Variants in RGS12 observed in about 807,000 individuals in gnomAD.
RGS12 encodes regulator of G-protein signaling 12.
RGS12 carries 66 observed loss-of-function variants against 120.1 expected under a neutral mutation model. The ratio of observed to expected loss-of-function variants is 0.55; its 90% CI spans 0.45 to 0.67. The LOEUF (loss-of-function observed/expected upper bound fraction) is 0.67. Ranked by LOEUF, RGS12 falls within the 30% of genes least tolerant of loss-of-function variation. The pLI, the probability that RGS12 is intolerant of heterozygous loss-of-function variation, is 0.00. For missense variants in RGS12, 1,859 were observed against 1,957.7 expected, an observed-to-expected ratio of 0.95 and a Z score of 0.95; for synonymous variants, 827 against 804.7, an observed-to-expected ratio of 1.03 and a Z score of -0.47.
In RGS12 at chr4:3,316,694, C is replaced by G. The variant is rs1421302755; in HGVS notation, c.524C>G (p.Ala175Gly). ...AAACAAAGATCCCTTTCAGAGTCGG[C>G]CGCAACTCGATTTGATGTTGGACAT... ...KLKQRSLSES[A>G]ATRFDVGHES... The change falls in exon 2 of 18, where the codon GCC becomes GGC. Residue 175 changes from alanine to glycine, a missense_variant. Physicochemically the swap from Ala to Gly is moderately conservative, Grantham distance 60 (BLOSUM62 0). Around this residue, in one of 3 missense-constraint regions of RGS12, gnomAD observed 967 missense variants for 994.2 expected, o/e 0.97. Coordinates refer to ENST00000336727, the MANE Select transcript of RGS12 (RefSeq NM_001394154.1). The G allele has an allele frequency of 3.1e-6, 5 of 1,614,116 alleles. No homozygotes were observed. Among genetic ancestry groups the G allele is most frequent in the Non-Finnish European group, 4.2e-6 (5 of 1,180,030 alleles).
At chr4:3,339,590 T>C (rs1429357387) in intron 2 of RGS12, among the ~76,000 whole-genome samples, 2 of 152,250 alleles carry the variant, frequency 1.3e-5, no homozygotes, top group African/African-American at 4.8e-5. Context: ...AGTAGGCAGA[T>C]ACTTGCCATG....
chr4:3,413,287 A>C (rs573696396), intron 4 of RGS12: 1 of 152,358 alleles, frequency 6.6e-6, no homozygotes, highest in African/African-American at 2.4e-5. Context: ...AGAGCTCAGG[A>C]GATACTGGGA....
chr4:3,329,441 T>A (rs115818282), intron 2 of RGS12, among the ~76,000 whole-genome samples: 2,772 of 152,108 alleles, frequency 0.018, 69 homozygotes, highest in African/African-American at 0.06. Flanking sequence ...GGACAGTAAA[T>A]GTGCTCATGG....
At position 3,317,575 on chromosome 4, in the gene RGS12, G is replaced by A. The variant is rs764405169; in HGVS notation, c.1405G>A (p.Gly469Ser). ...GGGTGGGAGGGGTGCCCAGCCCTGG[G>A]GTGCTCCCTGGACTGGGCCCTTCTG... Reference protein sequence around the residue: ...GVGGRGAQPWGAPWTGPFCPD... With the variant: ...GVGGRGAQPWSAPWTGPFCPD... Residue 469 changes from glycine to serine, a missense_variant, in exon 2 of 18, where the codon GGT becomes AGT. Physicochemically the swap from Gly to Ser is moderately conservative, Grantham distance 56. This residue lies in a region of RGS12 where 967 missense variants were observed against 994.2 expected (regional missense o/e 0.97). Coordinates refer to ENST00000336727, the MANE Select transcript of RGS12 (RefSeq NM_001394154.1). The A allele has an allele frequency of 2.5e-6, 4 of 1,603,164 alleles. No homozygotes were observed. The highest frequency in any genetic ancestry group is 3.4e-5 in the Admixed American group (2 of 59,646).
chr4:3,428,592 T>C lies in RGS12; in HGVS notation c.3446T>C (p.Ile1149Thr). 3 of 1,602,994 alleles carry C rather than the reference T, an allele frequency of 1.9e-6. No homozygotes were observed. The highest frequency in any genetic ancestry group is 2.5e-6 in the Non-Finnish European group (3 of 1,177,162). ...AGAACACTAGGCAAGTCTAATTCTA[T>C]TAAAATAAAAGGAGAAAATGGAAAA... The part of the protein sequence containing the change: ...EERTLGKSNS[I>T]KIKGENGKNA... Residue 1149 changes from isoleucine (I) to threonine (T), a missense_variant, in exon 16 of 18, where the codon ATT becomes ACT. This residue lies in a region of RGS12 where 517 missense variants were observed against 488.5 expected (regional missense o/e 1.06). Transcript: ENST00000336727.
At chr4:3,305,449 C>T (rs558905709) in intron 1 of RGS12, among the ~76,000 whole-genome samples, 2 of 152,254 alleles carry the variant, frequency 1.3e-5, no homozygotes, top group African/African-American at 2.4e-5. Flanking sequence ...CTCAGAGTCC[C>T]GCGTCATCCT....
At chr4:3,411,903 G>A (rs529562421) in intron 4 of RGS12, among the ~76,000 whole-genome samples, 61 of 152,360 alleles carry the variant, frequency 4.0e-4, no homozygotes, top group African/African-American at 1.4e-3. Context: ...CTTGCAGTGC[G>A]TGCCGCCCCT....
chr4:3,379,292 G>A (rs1204842752), intron 3 of RGS12, among the ~76,000 whole-genome samples: 3 of 152,116 alleles, frequency 2.0e-5, no homozygotes, highest in African/African-American at 7.2e-5. Flanking sequence ...GTACAGCTTG[G>A]TGGTTGTAGT....
At chr4:3,308,344 C>T (rs1724086282) in intron 1 of RGS12, among the ~76,000 whole-genome samples, 1 of 152,252 alleles carries the variant, frequency 6.6e-6, no homozygotes, top group African/African-American at 2.4e-5. Flanking sequence ...TTCACTGTCA[C>T]AGGACTCAGG....
At chr4:3,380,802 C>T (rs1211322977) in intron 3 of RGS12, among the ~76,000 whole-genome samples, 3 of 152,216 alleles carry the variant, frequency 2.0e-5, no homozygotes, top group South Asian at 2.1e-4. Context: ...ACAATTTTTC[C>T]CTCCTCGGCC....
chr4:3,425,494 G>A lies in RGS12; in HGVS notation c.3265G>A (p.Ala1089Thr), dbSNP rs769963450. The change falls in exon 14 of 18, where the codon GCC becomes ACC. Residue 1089 changes from alanine to threonine, a missense_variant. Ala to Thr is a moderately conservative substitution (Grantham distance 58, BLOSUM62 0). Around this residue, in one of 3 missense-constraint regions of RGS12, gnomAD observed 517 missense variants for 488.5 expected, o/e 1.06. Coordinates refer to ENST00000336727, the MANE Select transcript of RGS12 (RefSeq NM_001394154.1). ...SGEKEPLDLG[A>T]PISSLDGQRV... ...AGAGAAGGAGCCCCTGGACCTTGGCGCCCCTATATCGAGTCTGGACGGACA... is the reference window on the plus strand; with the variant it reads ...AGAGAAGGAGCCCCTGGACCTTGGCACCCCTATATCGAGTCTGGACGGACA... 54 of 1,612,252 alleles carry A rather than the reference G, an allele frequency of 3.3e-5. No individual in the cohort carries two copies. Among genetic ancestry groups the A allele is most frequent in the South Asian group, 1.3e-4 (12 of 90,974 alleles).
intron 2 of RGS12, among the ~76,000 whole-genome samples, chr4:3,330,532 C>T (rs1711725178): frequency 6.6e-6 from 1 of 152,102 alleles, no homozygotes. Context: ...GCAGCCTGTT[C>T]GCAACAACAG....
intron 17 of RGS12, chr4:3,431,428 C>G (rs138395178): frequency 2.0e-6 from 2 of 997,150 alleles, no homozygotes; most frequent in Non-Finnish European, 2.4e-6. Flanking sequence ...GGCCCGTCCT[C>G]GGAAGAGCCT....
chr4:3,350,671 T>A (rs1714264856), intron 3 of RGS12, among the ~76,000 whole-genome samples: 1 of 151,684 alleles, frequency 6.6e-6, no homozygotes, highest in African/African-American at 2.4e-5. Flanking sequence ...GACAGAGAAA[T>A]AACCTATCTC....
At chr4:3,362,493 T>C (rs1715697724) in intron 3 of RGS12, among the ~76,000 whole-genome samples, 1 of 131,548 alleles carries the variant, frequency 7.6e-6, no homozygotes, top group African/African-American at 3.0e-5. Context: ...TGTGAGGGTG[T>C]GTGTGAGGGT....
intron 1 of RGS12, among the ~76,000 whole-genome samples, chr4:3,300,338 C>T (rs1723615333): frequency 1.3e-5 from 2 of 152,142 alleles, no homozygotes; most frequent in African/African-American, 2.4e-5. Context: ...GCCAGAGCGC[C>T]CTGCACTCCA....
At chr4:3,401,848 A>G (rs1221846602) in intron 4 of RGS12, among the ~76,000 whole-genome samples, 1 of 152,280 alleles carries the variant, frequency 6.6e-6, no homozygotes, top group Non-Finnish European at 1.5e-5. Flanking sequence ...TAGGAAGAGA[A>G]TGGGCAGAAT....
chr4:3,317,118 C>G lies in RGS12; in HGVS notation c.948C>G (p.Thr316=), dbSNP rs1395454988. The change falls in exon 2 of 18, where the codon ACC becomes ACG. Residue 316 remains threonine (T), a synonymous_variant. Transcript: ENST00000336727. ...PDDRRFFGLV[T]MQTNDDGSLA... Reference sequence around the variant, plus strand: ...ACCGGCGATTTTTCGGGTTGGTTACCATGCAGACGAATGACGACGGGAGCC... The same window carrying G: ...ACCGGCGATTTTTCGGGTTGGTTACGATGCAGACGAATGACGACGGGAGCC... 11 of 1,613,904 alleles carry G rather than the reference C, an allele frequency of 6.8e-6. No individual in the cohort carries two copies. Among genetic ancestry groups the G allele is most frequent in the Admixed American group, 1.7e-5 (1 of 60,036 alleles).
intron 3 of RGS12, among the ~76,000 whole-genome samples, chr4:3,369,469 G>A (rs1019683804): frequency 6.6e-6 from 1 of 152,196 alleles, no homozygotes; most frequent in Non-Finnish European, 1.5e-5. Context: ...TGGGCATTGA[G>A]TTTGCAGTTC....
Sources: gnomAD v4.1 joint callset for allele counts (sites outside exome capture counted in the v4.1 genomes callset) on GRCh38, gnomAD v4.1.1 for gene constraint, gnomAD v4.1.1 regional missense constraint, MANE v1.5 for transcripts, NCBI Gene and HGNC (gene_info 2026-07-23, HGNC 2026-07-21) for gene names.